Variants in TAFA1 observed in about 807,000 individuals in gnomAD.
The protein encoded by TAFA1 is chemokine-like protein TAFA-1.
Under a neutral mutation model 18.5 loss-of-function variants are expected in TAFA1, and 4 were observed. That is an observed-to-expected ratio of 0.22 (90% confidence interval 0.11 to 0.49). The LOEUF is 0.49. TAFA1 is among the 20% of genes least tolerant of loss of function. The pLI, the probability that TAFA1 is intolerant of heterozygous loss-of-function variation, is 0.98. For missense variants in TAFA1, 147 were observed against 169.0 expected, an observed-to-expected ratio of 0.87 and a Z score of 0.72; for synonymous variants, 56 against 55.2, an observed-to-expected ratio of 1.01 and a Z score of -0.06.
At chr3:68,240,470 T>C (rs1441634931) in intron 2 of TAFA1, among the ~76,000 whole-genome samples, 1 of 152,180 alleles carries the variant, frequency 6.6e-6, no homozygotes, top group Admixed American at 6.5e-5. Context: ...GCAGAAGATG[T>C]ATGATTTAGA....
At chr3:68,458,569 C>T (rs927444788) in intron 3 of TAFA1, among the ~76,000 whole-genome samples, 1 of 152,136 alleles carries the variant, frequency 6.6e-6, no homozygotes. Context: ...GAATCCAGTA[C>T]TAAGACACAG....
intron 2 of TAFA1, among the ~76,000 whole-genome samples, chr3:68,388,347 T>C (rs2070150640): frequency 6.6e-6 from 1 of 152,148 alleles, no homozygotes; most frequent in South Asian, 2.1e-4. Context: ...TGAATAAAGC[T>C]CCAAAGCACA....
At chr3:68,330,341 T>C (rs910443704) in intron 2 of TAFA1, among the ~76,000 whole-genome samples, 2 of 152,176 alleles carry the variant, frequency 1.3e-5, no homozygotes, top group Non-Finnish European at 2.9e-5. Context: ...CAGGTGCTTA[T>C]TACTGCAACT....
intron 3 of TAFA1, among the ~76,000 whole-genome samples, chr3:68,460,499 A>G (rs1367562123): frequency 6.6e-6 from 1 of 152,176 alleles, no homozygotes; most frequent in African/African-American, 2.4e-5. Context: ...CAGGAACGTA[A>G]CTATCCTAAT....
chr3:68,522,888 C>A (rs761380497), intron 3 of TAFA1, among the ~76,000 whole-genome samples: 11 of 151,980 alleles, frequency 7.2e-5, no homozygotes, highest in Non-Finnish European at 1.6e-4. Flanking sequence ...CCAGCCTGGC[C>A]AACATGGTGA....
chr3:68,152,044 A>G (rs2065812664), intron 2 of TAFA1, among the ~76,000 whole-genome samples: 1 of 152,178 alleles, frequency 6.6e-6, no homozygotes, highest in Non-Finnish European at 1.5e-5. Flanking sequence ...CTATGATGGC[A>G]TTATCTTCAT....
intron 2 of TAFA1, among the ~76,000 whole-genome samples, chr3:68,040,344 C>G (rs777907912): frequency 1.7e-4 from 26 of 152,250 alleles, no homozygotes; most frequent in South Asian, 1.2e-3. Context: ...CACTCTCTGA[C>G]TGTCCCATAA....
At chr3:68,369,749 A>G (rs946646264) in intron 2 of TAFA1, among the ~76,000 whole-genome samples, 2 of 152,112 alleles carry the variant, frequency 1.3e-5, no homozygotes, top group African/African-American at 4.8e-5. Flanking sequence ...GTTTCTCCAA[A>G]TACTCTTCTT....
intron 2 of TAFA1, among the ~76,000 whole-genome samples, chr3:68,209,652 G>A (rs111738016): frequency 3.3e-5 from 5 of 152,110 alleles, no homozygotes; most frequent in African/African-American, 1.2e-4. Flanking sequence ...ACTCAAAATT[G>A]CAGTCATAGG....
intron 3 of TAFA1, among the ~76,000 whole-genome samples, chr3:68,522,980 G>A (rs1187988641): frequency 2.0e-5 from 3 of 152,218 alleles, no homozygotes; most frequent in African/African-American, 4.8e-5. Context: ...GGAGGCTGAG[G>A]CAGGAGAATT....
At chr3:68,446,588 A>G (rs1233465620) in intron 3 of TAFA1, among the ~76,000 whole-genome samples, 1 of 152,222 alleles carries the variant, frequency 6.6e-6, no homozygotes, top group Non-Finnish European at 1.5e-5. Context: ...TACCCACTTC[A>G]GTACCCAGTT....
intron 2 of TAFA1, among the ~76,000 whole-genome samples, chr3:68,390,267 A>G (rs1359270126): frequency 1.3e-5 from 2 of 151,944 alleles, no homozygotes; most frequent in Non-Finnish European, 2.9e-5. Context: ...AGCTCACCAC[A>G]GAACCACAAA....
At chr3:68,421,301 T>A (rs1228470697) in intron 3 of TAFA1, among the ~76,000 whole-genome samples, 1 of 152,168 alleles carries the variant, frequency 6.6e-6, no homozygotes, top group Non-Finnish European at 1.5e-5. Flanking sequence ...GTATTGAGTG[T>A]TCTTTATTCT....
At chr3:68,012,224 A>G (rs1315420727) in intron 2 of TAFA1, among the ~76,000 whole-genome samples, 1 of 152,184 alleles carries the variant, frequency 6.6e-6, no homozygotes, top group African/African-American at 2.4e-5. Flanking sequence ...GCAAATCCTG[A>G]CACTTCCATT....
chr3:68,507,693 CT>C (rs2072782727), intron 3 of TAFA1, among the ~76,000 whole-genome samples: 1 of 152,088 alleles, frequency 6.6e-6, no homozygotes. Flanking sequence ...CACTTAGGTT[CT>C]TAGCATATCT....
At chr3:68,495,477 A>G (rs917483041) in intron 3 of TAFA1, among the ~76,000 whole-genome samples, 6 of 152,214 alleles carry the variant, frequency 3.9e-5, no homozygotes, top group African/African-American at 1.4e-4. Context: ...AGTGTATGCA[A>G]GAATGACTGC....
chr3:68,340,598 A>AT (rs1365519293), intron 2 of TAFA1, among the ~76,000 whole-genome samples: 1 of 150,916 alleles, frequency 6.6e-6, no homozygotes, highest in Non-Finnish European at 1.5e-5. Context: ...TATTCTGTGT[A>AT]TTTTCCTCTC....
intron 2 of TAFA1, among the ~76,000 whole-genome samples, chr3:68,010,589 G>A (rs530526610): frequency 9.2e-5 from 14 of 152,198 alleles, no homozygotes; most frequent in African/African-American, 2.6e-4. Flanking sequence ...TAATGTATTC[G>A]CCTGCAGTCT....
chr3:68,135,641 T>C lies in TAFA1; in HGVS notation c.118+128897T>C, dbSNP rs568923188. ...ACCTAGCCTTGTGCTTGTAATACAATAGATGCTTAAGAAATATCAGCGGTA... is the reference window on the plus strand; with the variant it reads ...ACCTAGCCTTGTGCTTGTAATACAACAGATGCTTAAGAAATATCAGCGGTA... On this transcript the variant is annotated intron_variant, in intron 2 of 4. Coordinates refer to ENST00000478136, the MANE Select transcript of TAFA1 (RefSeq NM_213609.4). Among the ~76,000 whole-genome samples the C allele has an allele frequency of 7.9e-5, 12 of 152,338 alleles. No individual in the cohort carries two copies. In the East Asian group the frequency reaches 2.1e-3, roughly 27 times the overall value.
Sources: allele counts gnomAD v4.1 joint callset (sites outside exome capture counted in the v4.1 genomes callset), GRCh38; gene constraint gnomAD v4.1.1; transcripts MANE v1.5; gene names NCBI Gene and HGNC (gene_info 2026-07-23, HGNC 2026-07-21).